Variants in USP20 observed in about 807,000 individuals in gnomAD.
The protein encoded by USP20 is ubiquitin carboxyl-terminal hydrolase 20.
USP20 carries 80 observed loss-of-function variants against 124.2 expected under a neutral mutation model. The ratio of observed to expected loss-of-function variants is 0.64; its 90% CI spans 0.54 to 0.78. The LOEUF (loss-of-function observed/expected upper bound fraction) is 0.78, where lower values mean the gene tolerates loss of function less well. Among genes scored for constraint, USP20 ranks in the 30% least tolerant of loss-of-function variants. The pLI, the probability that USP20 is intolerant of heterozygous loss-of-function variation, is 0.00. For synonymous variants in USP20, 481 were observed against 512.3 expected, an observed-to-expected ratio of 0.94 and a Z score of 0.83; for missense variants, 1,043 against 1,244.4, an observed-to-expected ratio of 0.84 and a Z score of 2.44.
chr9:129,877,696 C>T (rs748042506), intron 22 of USP20, among the ~76,000 whole-genome samples: 4 of 151,530 alleles, frequency 2.6e-5, no homozygotes, highest in East Asian at 2.0e-4. Context: ...GACCACCCCC[C>T]ATCTCGAAAA....
rs761139697 is a variant in USP20, at chr9:129,873,497, G to C, written c.1676G>C (p.Ser559Thr). The C allele has an allele frequency of 2.5e-6, 4 of 1,614,160 alleles. No homozygotes were observed. The highest frequency in any genetic ancestry group is 3.4e-6 in the Non-Finnish European group (4 of 1,180,028). The change falls in exon 16 of 26, where the codon AGC (serine) becomes ACC (threonine). Residue 559 changes from serine (S) to threonine (T), a missense_variant. Ser to Thr is a moderately conservative substitution (Grantham distance 58). Coordinates refer to ENST00000372429, the MANE Select transcript of USP20 (RefSeq NM_001110303.4). ...ACTGCCCTAGGTGACAACATGTACA[G>C]CTGTGAGCGGTGTAAGAAGTAAGTG... is the stretch of plus-strand genomic sequence containing the variant. Reference protein sequence around the residue: ...ADELKGDNMYSCERCKKLRNG... With the variant: ...ADELKGDNMYTCERCKKLRNG...
At chr9:129,860,238 G>A (rs1159607282) in intron 6 of USP20, among the ~76,000 whole-genome samples, 2 of 151,382 alleles carry the variant, frequency 1.3e-5, no homozygotes, top group African/African-American at 4.9e-5. Flanking sequence ...GCTGAGGCAG[G>A]AGAATGGCAT....
intron 1 of USP20, among the ~76,000 whole-genome samples, chr9:129,844,623 CAAAAAA>C (rs1191781066): frequency 1.3e-3 from 97 of 72,424 alleles, no homozygotes; most frequent in African/African-American, 3.4e-3. Context: ...GACTCTGTCT[CAAAAAA>C]AAAAAAAAAA....
At position 129,878,569 on chromosome 9, in the gene USP20, A is replaced by G. The variant is rs555741298; in HGVS notation, c.2512+129A>G. 7.0e-4 allele frequency: 539 copies of G among 774,656 alleles called. 2 individuals are homozygous for G. Among genetic ancestry groups the G allele is most frequent in the Non-Finnish European group, 1.0e-3 (491 of 485,684 alleles). The allele number at this position is 774,656 out of a possible 1,614,324, so 48.0% of individuals were successfully genotyped here. ...GCCTGCCCCCAGGTGCCACCCATCC[A>G]GGGTGAACAGAGAGCATGGGGCTTT... On this transcript the variant is annotated intron_variant, in intron 23 of 25. Transcript: ENST00000372429.
At chr9:129,848,274 C>T (rs558244538) in intron 1 of USP20, among the ~76,000 whole-genome samples, 2 of 151,894 alleles carry the variant, frequency 1.3e-5, no homozygotes, top group East Asian at 3.9e-4. Context: ...CCAGCCTAGG[C>T]AACAAGAGCG....
At chr9:129,847,767 C>T (rs1255613385) in intron 1 of USP20, among the ~76,000 whole-genome samples, 1 of 152,180 alleles carries the variant, frequency 6.6e-6, no homozygotes, top group Non-Finnish European at 1.5e-5. Flanking sequence ...CAGAAAGTTC[C>T]TTCTTGTCTG....
rs944911935 is a variant in USP20, at chr9:129,861,107, A to G, written c.427+74A>G. On this transcript the variant is annotated intron_variant, in intron 7 of 25. Coordinates refer to ENST00000372429, the MANE Select transcript of USP20 (RefSeq NM_001110303.4). ...TCATCTGGAGGCTGGAAACCGCCAG[A>G]GTCTTGGTCTCTATTTGCACCTGCT... is the stretch of plus-strand genomic sequence containing the variant. 21 of 1,383,790 alleles carry G rather than the reference A, an allele frequency of 1.5e-5. No individual in the cohort carries two copies. The Admixed American group carries it at 3.3e-4, about 22-fold the overall frequency. The allele number at this position is 1,383,790 out of a possible 1,614,324, so 85.7% of individuals were successfully genotyped here. A position where few individuals can be genotyped will look rare whatever the true frequency, so the allele number is the denominator to read the frequency against.
In USP20 at chr9:129,880,135, G is replaced by A. The variant is rs764060511; in HGVS notation, c.2607G>A (p.Ser869=). 2.1e-5 allele frequency: 34 copies of A among 1,613,712 alleles called. 1 individual carries two copies. The highest frequency in any genetic ancestry group is 6.7e-5 in the East Asian group (3 of 44,896). Reference sequence around the variant, plus strand: ...CAGGAGCTGACTACGGGCAGATTTCGGAGGAGACCTGGACCTACCTGAACA... The same window carrying A: ...CAGGAGCTGACTACGGGCAGATTTCAGAGGAGACCTGGACCTACCTGAACA... The part of the protein sequence containing the change: ...LKQGADYGQI[S]EETWTYLNSL... Residue 869 remains serine, a synonymous_variant, in exon 25 of 26, where the codon TCG becomes TCA. Transcript: ENST00000372429.
intron 1 of USP20, among the ~76,000 whole-genome samples, chr9:129,841,827 A>G (rs562420624): frequency 6.6e-6 from 1 of 152,262 alleles, no homozygotes; most frequent in East Asian, 1.9e-4. Flanking sequence ...GAATCCGTGC[A>G]TGAGTCCCCT....
intron 1 of USP20, among the ~76,000 whole-genome samples, chr9:129,843,284 T>C (rs2032339049): frequency 6.6e-6 from 1 of 151,956 alleles, no homozygotes; most frequent in South Asian, 2.1e-4. Flanking sequence ...ACAAAAATTA[T>C]GTGGGTGTGA....
chr9:129,868,213 G>C lies in USP20; in HGVS notation c.899G>C (p.Arg300Pro). ...SDRGEGDGQG[R>P]GGGSSQAETE... is the part of the protein sequence containing the mutation. ...CGGGGTGAGGGTGACGGGCAGGGGCGTGGCGGGGGCAGCTCGCAGGCCGAG... is the reference window on the plus strand; with the variant it reads ...CGGGGTGAGGGTGACGGGCAGGGGCCTGGCGGGGGCAGCTCGCAGGCCGAG... The change falls in exon 11 of 26, where the codon CGT (arginine) becomes CCT (proline). Residue 300 changes from arginine (R) to proline (P), a missense_variant. Coordinates refer to ENST00000372429, the MANE Select transcript of USP20 (RefSeq NM_001110303.4). The C allele has an allele frequency of 6.2e-7, 1 of 1,613,932 alleles. No homozygotes were observed. The highest frequency in any genetic ancestry group is 8.5e-7 in the Non-Finnish European group (1 of 1,179,894).
Position 129,839,025 on chromosome 9 carries a change from G to A in USP20, c.-129+3526G>A, listed in dbSNP as rs144160518. The stretch of plus-strand genomic sequence containing the variant: ...AGGCTCTTGTGAGGAAGCTTCCTTG[G>A]AGTACGCGTGTTTGGATTTGGGGAG... On this transcript the variant is annotated intron_variant, in intron 1 of 25. Transcript: ENST00000372429. This position sits in a 1 kb window ranked among gnomAD's most constrained non-coding sequence, Gnocchi z 4.5. Among the ~76,000 whole-genome samples, 3 of 152,290 alleles carry A rather than the reference G, an allele frequency of 2.0e-5. No individual in the cohort carries two copies. The highest frequency in any genetic ancestry group is 4.4e-5 in the Non-Finnish European group (3 of 68,022).
At chr9:129,871,116 A>G (rs548076149) in intron 15 of USP20, among the ~76,000 whole-genome samples, 1 of 152,212 alleles carries the variant, frequency 6.6e-6, no homozygotes, top group South Asian at 2.1e-4. Flanking sequence ...CATCCTCCCC[A>G]TTCATCTCCA....
At chr9:129,874,172 G>C (rs2034271171) in intron 17 of USP20, among the ~76,000 whole-genome samples, 1 of 152,116 alleles carries the variant, frequency 6.6e-6, no homozygotes, top group Non-Finnish European at 1.5e-5. Context: ...GTCGTGGATG[G>C]AAGGCACAGA....
In USP20 at chr9:129,869,252, C is replaced by T. The variant is rs558383713; in HGVS notation, c.1277-58C>T. Reference sequence around the variant, plus strand: ...TCCTGTCAAAGGAAGCCGCAGGGCCCGCACCTCGCCCCGGCCAGGCAGGTG... The same window carrying T: ...TCCTGTCAAAGGAAGCCGCAGGGCCTGCACCTCGCCCCGGCCAGGCAGGTG... On this transcript the variant is annotated intron_variant, in intron 12 of 25. Coordinates refer to ENST00000372429, the MANE Select transcript of USP20 (RefSeq NM_001110303.4). 2.6e-4 allele frequency: 404 copies of T among 1,538,806 alleles called. No individual in the cohort carries two copies. In the African/African-American group the frequency reaches 4.9e-3, roughly 18 times the overall value.
intron 1 of USP20, among the ~76,000 whole-genome samples, chr9:129,837,881 A>G (rs926307783): frequency 6.6e-6 from 1 of 152,120 alleles, no homozygotes; most frequent in Non-Finnish European, 1.5e-5. Context: ...GCTTTTATTT[A>G]GAGTGTACAC....
intron 4 of USP20, among the ~76,000 whole-genome samples, chr9:129,857,197 T>C (rs1588259797): frequency 6.6e-6 from 1 of 152,148 alleles, no homozygotes; most frequent in East Asian, 1.9e-4. Context: ...ACAAAGTAGA[T>C]GGCAAGACAC....
At chr9:129,867,431 G>A (rs1383733629) in intron 10 of USP20, among the ~76,000 whole-genome samples, 1 of 152,202 alleles carries the variant, frequency 6.6e-6, no homozygotes, top group African/African-American at 2.4e-5. Context: ...GTGGGAAGGT[G>A]AGAGCAGGCA....
chr9:129,867,570 G>A (rs73672512), intron 10 of USP20, among the ~76,000 whole-genome samples: 1 of 151,966 alleles, frequency 6.6e-6, no homozygotes, highest in Non-Finnish European at 1.5e-5. Context: ...TCCTCTTTTG[G>A]CATCACACTC....
Sources: gnomAD v4.1 joint callset for allele counts (sites outside exome capture counted in the v4.1 genomes callset) on GRCh38, gnomAD v4.1.1 for gene constraint, Gnocchi (gnomAD v3.1) non-coding constraint, MANE v1.5 for transcripts, NCBI Gene and HGNC (gene_info 2026-07-23, HGNC 2026-07-21) for gene names.